The following TENM4 variants were observed in gnomAD, a reference collection of about 807,000 sequenced individuals.
TENM4 encodes the protein teneurin transmembrane protein 4.
In TENM4, 82 loss-of-function variants were observed where a neutral mutation model predicts 243.3. That is an observed-to-expected ratio of 0.34 (90% confidence interval 0.28 to 0.40). The LOEUF (loss-of-function observed/expected upper bound fraction) is 0.40. Among genes scored for constraint, TENM4 ranks in the 10% least tolerant of loss-of-function variants. TENM4 has a pLI of 1.00. For missense variants in TENM4, 3,138 were observed against 3,673.3 expected (o/e 0.85, Z 3.77); for synonymous variants, 1,412 against 1,456.3 (o/e 0.97, Z 0.69).
chr11:79,210,119 G>T (rs1388781105), intron 3 of TENM4, among the ~76,000 whole-genome samples: 1 of 152,216 alleles, frequency 6.6e-6, no homozygotes, highest in East Asian at 1.9e-4. Context: ...ATTTACATAG[G>T]AAGTACGGTG....
chr11:79,381,728 T>G (rs767763317), intron 1 of TENM4, among the ~76,000 whole-genome samples: 7 of 151,858 alleles, frequency 4.6e-5, no homozygotes, highest in Non-Finnish European at 8.8e-5. Flanking sequence ...ATTCACTATT[T>G]CATATGTTCC....
chr11:79,277,388 T>C (rs637183), intron 2 of TENM4, among the ~76,000 whole-genome samples: 90,822 of 152,100 alleles, frequency 0.6, 29,532 homozygotes, highest in African/African-American at 0.86. Flanking sequence ...TTACAATAAC[T>C]CTATGAGAGG....
At chr11:79,016,959 G>T (rs1250875152) in intron 6 of TENM4, among the ~76,000 whole-genome samples, 4 of 152,230 alleles carry the variant, frequency 2.6e-5, no homozygotes, top group African/African-American at 9.6e-5. Context: ...TGCCTCATCT[G>T]TAAAGGAGGG....
At chr11:78,827,215 T>C (rs75187917) in intron 12 of TENM4, among the ~76,000 whole-genome samples, 76 of 152,316 alleles carry the variant, frequency 5.0e-4, no homozygotes, top group African/African-American at 1.8e-3. Flanking sequence ...TAATCTAAAA[T>C]AATCTTGGGA....
intron 6 of TENM4, among the ~76,000 whole-genome samples, chr11:79,021,148 C>A (rs535326396): frequency 2.2e-4 from 33 of 152,312 alleles, no homozygotes; most frequent in Non-Finnish European, 3.8e-4. Flanking sequence ...CACAGCCAAC[C>A]AGAAAGTGAC....
chr11:78,736,477 T>TGTGTGTGTGCGC (rs1328804792), intron 20 of TENM4, among the ~76,000 whole-genome samples: 7 of 102,130 alleles, frequency 6.9e-5, no homozygotes, highest in African/African-American at 2.3e-4. Flanking sequence ...TGTGTGTGTG[T>TGTGTGTGTGCGC]GTGCGCGCGC....
chr11:79,339,218 C>T (rs1052693291), intron 1 of TENM4, among the ~76,000 whole-genome samples: 3 of 152,190 alleles, frequency 2.0e-5, no homozygotes, highest in Non-Finnish European at 4.4e-5. Context: ...AATCAATAGG[C>T]AGATGACACA....
At chr11:79,056,656 G>C (rs1859952347) in intron 6 of TENM4, among the ~76,000 whole-genome samples, 1 of 152,124 alleles carries the variant, frequency 6.6e-6, no homozygotes, top group Non-Finnish European at 1.5e-5. Flanking sequence ...GGTTCCAAGA[G>C]TCTCATGTGG....
chr11:78,800,020 G>A (rs546778013), intron 15 of TENM4, among the ~76,000 whole-genome samples: 176 of 152,308 alleles, frequency 1.2e-3, no homozygotes, highest in African/African-American at 4.0e-3. Flanking sequence ...GACAAATGAT[G>A]AGTCTAAGGG....
chr11:79,382,708 G>A (rs1052813319), intron 1 of TENM4, among the ~76,000 whole-genome samples: 11 of 152,018 alleles, frequency 7.2e-5, no homozygotes, highest in Admixed American at 3.3e-4. Flanking sequence ...GGGTGCTACC[G>A]TGAGATTTGT....
chr11:79,406,932 T>C (rs1565333555), intron 1 of TENM4, among the ~76,000 whole-genome samples: 1 of 152,188 alleles, frequency 6.6e-6, no homozygotes, highest in Non-Finnish European at 1.5e-5. Context: ...CAAAAAAATT[T>C]GATCATCAAG....
At chr11:78,876,073 C>T (rs568176358) in intron 9 of TENM4, among the ~76,000 whole-genome samples, 3 of 152,266 alleles carry the variant, frequency 2.0e-5, no homozygotes, top group South Asian at 2.1e-4. Context: ...TTTCTAGGTC[C>T]AGCGCTACTA....
At chr11:79,196,820 G>A (rs1465289047) in intron 3 of TENM4, among the ~76,000 whole-genome samples, 1 of 152,136 alleles carries the variant, frequency 6.6e-6, no homozygotes, top group Non-Finnish European at 1.5e-5. Context: ...TCTCTCAGCT[G>A]TGACAGGCCT....
intron 25 of TENM4, among the ~76,000 whole-genome samples, chr11:78,719,432 AT>A (rs1274613043): frequency 6.6e-6 from 1 of 152,204 alleles, no homozygotes; most frequent in African/African-American, 2.4e-5. Context: ...AACACATACA[AT>A]TATTACATGA....
At chr11:78,841,557 C>T (rs952673425) in intron 12 of TENM4, among the ~76,000 whole-genome samples, 18 of 152,050 alleles carry the variant, frequency 1.2e-4, no homozygotes, top group African/African-American at 3.9e-4. Flanking sequence ...AGAGGTGTGT[C>T]TCCTCCTTTC....
chr11:79,220,369 G>A (rs1864133868), intron 2 of TENM4, among the ~76,000 whole-genome samples: 1 of 152,204 alleles, frequency 6.6e-6, no homozygotes, highest in African/African-American at 2.4e-5. Context: ...GGCAAGAGGT[G>A]GAGCTTTGGA....
chr11:78,999,458 G>A (rs1010466940), intron 6 of TENM4, among the ~76,000 whole-genome samples: 1 of 151,852 alleles, frequency 6.6e-6, no homozygotes, highest in Admixed American at 6.6e-5. Context: ...GGAGCTTGTA[G>A]TGAGCCGAGA....
At chr11:78,721,470 A>G (rs1489213933) in intron 24 of TENM4, among the ~76,000 whole-genome samples, 1 of 152,222 alleles carries the variant, frequency 6.6e-6, no homozygotes, top group African/African-American at 2.4e-5. Context: ...TTAACAAGGC[A>G]TTAAGTCGAA....
At chr11:79,343,728 A>C (rs1857280036) in intron 1 of TENM4, among the ~76,000 whole-genome samples, 1 of 152,110 alleles carries the variant, frequency 6.6e-6, no homozygotes, top group South Asian at 2.1e-4. Context: ...TCTCTGAAAA[A>C]CGAACAAGCT....
Sources: gnomAD v4.1 joint callset for allele counts (sites outside exome capture counted in the v4.1 genomes callset) on GRCh38, gnomAD v4.1.1 for gene constraint, MANE v1.5 for transcripts, NCBI Gene and HGNC (gene_info 2026-07-23, HGNC 2026-07-21) for gene names.